FGGY: variants seen among roughly 807,000 people sequenced by gnomAD.
FGGY encodes FGGY carbohydrate kinase domain containing.
Under a neutral mutation model 71.3 loss-of-function variants are expected in FGGY, and 72 were observed. The ratio of observed to expected loss-of-function variants is 1.01; its 90% confidence interval spans 0.84 to 1.23. FGGY has a LOEUF of 1.23. Ranked by LOEUF, FGGY falls within the 50% of genes most tolerant of loss-of-function variation. FGGY has a pLI of 0.00. For missense variants in FGGY, 668 were observed against 682.3 expected, an observed-to-expected ratio of 0.98 and a Z score of 0.23; for synonymous variants, 251 against 250.3, an observed-to-expected ratio of 1.00 and a Z score of -0.02.
At chr1:59,426,077 C>G (rs905300256) in intron 5 of FGGY, among the ~76,000 whole-genome samples, 6 of 152,046 alleles carry the variant, frequency 3.9e-5, no homozygotes, top group African/African-American at 1.5e-4. Flanking sequence ...CCTGGATTAC[C>G]CTTAGAGCTC....
At chr1:59,759,345 A>AG (rs1274985490) in intron 15 of FGGY, among the ~76,000 whole-genome samples, 2 of 152,152 alleles carry the variant, frequency 1.3e-5, no homozygotes, top group African/African-American at 4.8e-5. Context: ...GGCATTGCGT[A>AG]GGGGAGCTCC....
At chr1:59,587,630 G>A (rs12759970) in intron 8 of FGGY, among the ~76,000 whole-genome samples, 17,612 of 152,098 alleles carry the variant, frequency 0.12, 1,167 homozygotes, top group South Asian at 0.3. Context: ...AGCTGCATTC[G>A]CGGTTCACGA....
At chr1:59,479,752 G>A (rs1467398771) in intron 6 of FGGY, among the ~76,000 whole-genome samples, 2 of 152,162 alleles carry the variant, frequency 1.3e-5, no homozygotes, top group Non-Finnish European at 2.9e-5. Context: ...AATCTTGGAG[G>A]ATTATCAAAC....
intron 11 of FGGY, among the ~76,000 whole-genome samples, chr1:59,646,528 A>G (rs1231046513): frequency 6.7e-6 from 1 of 149,960 alleles, no homozygotes; most frequent in Non-Finnish European, 1.5e-5. Context: ...ATAAATTTAC[A>G]TATTTATATT....
chr1:59,380,390 G>C (rs1165881866), intron 5 of FGGY, among the ~76,000 whole-genome samples: 35 of 151,642 alleles, frequency 2.3e-4, no homozygotes, highest in Admixed American at 1.1e-3. Context: ...CACAATGGTT[G>C]AACTAGTTTA....
At chr1:59,564,466 G>A (rs2095844138) in intron 8 of FGGY, among the ~76,000 whole-genome samples, 1 of 152,242 alleles carries the variant, frequency 6.6e-6, no homozygotes, top group African/African-American at 2.4e-5. Context: ...GTTCCCCAGA[G>A]GCAAAGGGTG....
At chr1:59,415,067 G>T (rs550644781) in intron 5 of FGGY, among the ~76,000 whole-genome samples, 16 of 152,130 alleles carry the variant, frequency 1.1e-4, no homozygotes, top group Non-Finnish European at 2.4e-4. Context: ...AGTGAGTCTG[G>T]GACAGGATCA....
chr1:59,594,345 A>G (rs143473162), intron 8 of FGGY, among the ~76,000 whole-genome samples: 232 of 152,332 alleles, frequency 1.5e-3, no homozygotes, highest in African/African-American at 5.2e-3. Context: ...TTGATTATTT[A>G]CTATGTGAAG....
intron 14 of FGGY, among the ~76,000 whole-genome samples, chr1:59,718,070 C>T (rs1284016083): frequency 1.3e-5 from 2 of 152,154 alleles, no homozygotes; most frequent in East Asian, 1.9e-4. Context: ...CTTACTGTCA[C>T]ATTACCTCTC....
chr1:59,574,635 T>C lies in FGGY; in HGVS notation c.903+20408T>C, dbSNP rs369972481. 9.2e-5 allele frequency among the ~76,000 whole-genome samples: 14 copies of C among 152,312 alleles called. No homozygotes were observed. The East Asian group carries it at 1.2e-3, about 13-fold the overall frequency. ...TTATTTGGAAAATATAAAGTACTTC[T>C]GCACTCTGTGTATAGTGAAGGAACA... On this transcript the variant is annotated intron_variant, in intron 8 of 15. Transcript: ENST00000303721.
intron 6 of FGGY, among the ~76,000 whole-genome samples, chr1:59,499,109 C>T (rs993259089): frequency 6.6e-6 from 1 of 152,066 alleles, no homozygotes; most frequent in African/African-American, 2.4e-5. Context: ...TATTTCTCAG[C>T]CCCCCAAATC....
intron 6 of FGGY, among the ~76,000 whole-genome samples, chr1:59,469,057 C>T (rs985426027): frequency 6.6e-6 from 1 of 152,038 alleles, no homozygotes; most frequent in African/African-American, 2.4e-5. Context: ...TTGGAACCTG[C>T]ACAATACTGA....
At chr1:59,304,248 T>C (rs2043146638) in intron 1 of FGGY, among the ~76,000 whole-genome samples, 1 of 152,140 alleles carries the variant, frequency 6.6e-6, no homozygotes, top group Non-Finnish European at 1.5e-5. Context: ...TTGAGTTGAT[T>C]TTTGTGTATA....
At chr1:59,751,091 G>A (rs2101686693) in intron 14 of FGGY, among the ~76,000 whole-genome samples, 1 of 152,292 alleles carries the variant, frequency 6.6e-6, no homozygotes, top group South Asian at 2.1e-4. Context: ...TCCGAATGTA[G>A]GGTTTGCAAT....
Position 59,542,222 on chromosome 1 carries a change from G to A in FGGY, c.800-11902G>A, listed in dbSNP as rs568243673. On this transcript the variant is annotated intron_variant, in intron 7 of 15. Transcript: ENST00000303721. ...ATGATTAGTCTGCCTCTGCCATGTC[G>A]TTGGCTCCTCAGGAGATTACAAGCT... Among the ~76,000 whole-genome samples the A allele has an allele frequency of 1.3e-3, 198 of 152,262 alleles. 2 individuals carry two copies. Among genetic ancestry groups the A allele is most frequent in the African/African-American group, 4.5e-3 (185 of 41,558 alleles).
chr1:59,666,245 A>G (rs576779156), intron 12 of FGGY, among the ~76,000 whole-genome samples: 1 of 152,210 alleles, frequency 6.6e-6, no homozygotes, highest in African/African-American at 2.4e-5. Flanking sequence ...GGACTGTGAC[A>G]TCTCCCCAGA....
intron 11 of FGGY, among the ~76,000 whole-genome samples, chr1:59,639,475 G>A (rs889167906): frequency 6.6e-6 from 1 of 152,158 alleles, no homozygotes; most frequent in Non-Finnish European, 1.5e-5. Context: ...TGAGCTTGGT[G>A]TCCTTTTTTA....
intron 5 of FGGY, among the ~76,000 whole-genome samples, chr1:59,422,531 TAAA>T (rs369263371): frequency 6.6e-6 from 1 of 151,926 alleles, no homozygotes; most frequent in African/African-American, 2.4e-5. Flanking sequence ...CGATCTGTAC[TAAA>T]AAACTGGAAA....
intron 7 of FGGY, among the ~76,000 whole-genome samples, chr1:59,515,450 T>C (rs1005278431): frequency 2.6e-5 from 4 of 152,160 alleles, no homozygotes; most frequent in African/African-American, 9.7e-5. Flanking sequence ...GTAAAGACTT[T>C]GGGGGACTTT....
Sources: gnomAD v4.1 joint callset for allele counts (sites outside exome capture counted in the v4.1 genomes callset) on GRCh38, gnomAD v4.1.1 for gene constraint, MANE v1.5 for transcripts, NCBI Gene and HGNC (gene_info 2026-07-23, HGNC 2026-07-21) for gene names.